The following HGS variants were observed in gnomAD, a reference collection of about 807,000 sequenced individuals.
HGS encodes human growth factor-regulated tyrosine kinase substrate.
HGS carries 63 observed loss-of-function variants against 109.7 expected under a neutral mutation model. That is an observed-to-expected ratio of 0.57 (90% CI 0.47 to 0.71). The LOEUF is 0.71. Ranked by LOEUF, HGS falls within the 30% of genes least tolerant of loss-of-function variation. The pLI, the probability that HGS is intolerant of heterozygous loss-of-function variation, is 0.00. For synonymous variants in HGS, 546 were observed against 437.3 expected, an observed-to-expected ratio of 1.25 and a Z score of -3.10; for missense variants, 995 against 1,068.3, an observed-to-expected ratio of 0.93 and a Z score of 0.96.
At chr17:81,701,425 C>CTGTG in intron 21 of HGS, 83 bp from the exon 22 acceptor site, 1 of 1,396,388 alleles carries the variant, frequency 7.2e-7, no homozygotes, top group Non-Finnish European at 9.7e-7. Context: ...ACTTGTGGGT[C>CTGTG]TGTGGCTCTG....
rs1044829615 is a variant in HGS at position 81,691,697 on chromosome 17, A to G, written c.662+126A>G. 6.9e-6 allele frequency: 9 copies of G among 1,301,724 alleles called. No individual in the cohort carries two copies. The East Asian group carries it at 1.2e-4, about 17-fold the overall frequency. 80.6% of individuals were successfully genotyped at this position (1,301,724 alleles called of 1,614,324 possible). On this transcript the variant is annotated intron_variant, in intron 8 of 21. Transcript: ENST00000329138. This position sits in a 1 kb window ranked among gnomAD's most constrained non-coding sequence, Gnocchi z 5.3. ...AGGACCCTCACAGCACAGCAGCTGGAAGGTCAAGGGAAACCCAGGGTGGCC... is the reference window on the plus strand; with the variant it reads ...AGGACCCTCACAGCACAGCAGCTGGGAGGTCAAGGGAAACCCAGGGTGGCC...
chr17:81,686,893 C>T (rs576604000), intron 3 of HGS, 110 bp from the exon 4 acceptor site: 38 of 827,434 alleles, frequency 4.6e-5, no homozygotes, highest in South Asian at 4.1e-4. Flanking sequence ...CGGCCACTGA[C>T]GGGCCTGTCG....
chr17:81,690,065 C>T, intron 5 of HGS, 117 bp from the exon 6 acceptor site: 1 of 1,110,596 alleles, frequency 9.0e-7, no homozygotes, highest in Non-Finnish European at 1.3e-6. Flanking sequence ...CCCCCAGACA[C>T]CTTCACTTGG....
rs2037220181 is a variant in HGS, at chr17:81,700,557, C to CCGCTTACTCATCCTACCAGCCT, written c.1974_1995dup (p.Thr666ArgfsTer182). Reference sequence around the variant, plus strand: ...GCCCAGGCCGGACCCACCGCCAGCCCCGCTTACTCATCCTACCAGCCTACT... The same window carrying CCGCTTACTCATCCTACCAGCCT: ...GCCCAGGCCGGACCCACCGCCAGCCCCGCTTACTCATCCTACCAGCCTCGCTTACTCATCCTACCAGCCTACT... On this transcript the variant is annotated frameshift_variant, in exon 19 of 22. Coordinates refer to ENST00000329138, the MANE Select transcript of HGS (RefSeq NM_004712.5). LOFTEE classifies it high-confidence loss of function. 1 of 1,610,804 alleles carries CCGCTTACTCATCCTACCAGCCT rather than the reference C, an allele frequency of 6.2e-7. No individual in the cohort carries two copies. Among genetic ancestry groups the CCGCTTACTCATCCTACCAGCCT allele is most frequent in the Non-Finnish European group, 8.5e-7 (1 of 1,178,550 alleles).
chr17:81,690,627 G>T, intron 6 of HGS, 47 bp from the exon 7 acceptor site: 1 of 1,573,966 alleles, frequency 6.4e-7, no homozygotes, highest in Non-Finnish European at 8.7e-7. Flanking sequence ...TGCCTCTGGG[G>T]CTGGTGGGGC....
rs760394413 is a variant in HGS at position 81,700,697 on chromosome 17, C to T, written c.2019C>T (p.Asn673=). 7 of 1,594,114 alleles carry T rather than the reference C, an allele frequency of 4.4e-6. No homozygotes were observed. The highest frequency in any genetic ancestry group is 2.7e-5 in the African/African-American group (2 of 74,184). The change falls in exon 20 of 22, where the codon AAC becomes AAT. Residue 673 remains asparagine (N), a splice_region_variant and synonymous_variant. Coordinates refer to ENST00000329138, the MANE Select transcript of HGS (RefSeq NM_004712.5). ...CATGGCACTCATTCCCTCCGCAGAACGTGGCCTCCCAGGCCCCACAGAGCC... is the reference window on the plus strand; with the variant it reads ...CATGGCACTCATTCCCTCCGCAGAATGTGGCCTCCCAGGCCCCACAGAGCC... ...YQPTPTAGYQ[N]VASQAPQSLP... is the part of the protein sequence containing the mutation.
chr17:81,687,897 T>C (rs1011174432), intron 4 of HGS, among the ~76,000 whole-genome samples: 3 of 152,168 alleles, frequency 2.0e-5, no homozygotes, highest in African/African-American at 7.2e-5. Flanking sequence ...CCACTTTGGC[T>C]GGCTTCCTGT....
Position 81,701,063 on chromosome 17 carries a change from C to A in HGS, c.2155C>A (p.Pro719Thr). 1 of 1,614,088 alleles carries A rather than the reference C, an allele frequency of 6.2e-7. No homozygotes were observed. The highest frequency in any genetic ancestry group is 8.5e-7 in the Non-Finnish European group (1 of 1,180,008). Residue 719 changes from proline (P) to threonine (T), a missense_variant, in exon 21 of 22, where the codon CCA (proline) becomes ACA (threonine). Pro to Thr is a conservative substitution (Grantham distance 38). Around this residue, in one of 6 missense-constraint regions of HGS, gnomAD observed 326 missense variants for 309.7 expected, o/e 1.05. Coordinates refer to ENST00000329138, the MANE Select transcript of HGS (RefSeq NM_004712.5). ...YNMQNLMTTL[P>T]SQDASLPPQQ... ...ACAACAGAATCTCATGACCACCCTC[C>A]CAAGCCAGGATGCGTCTCTGCCACC... is the stretch of plus-strand genomic sequence containing the variant.
chr17:81,684,331 C>T (rs1463908963), intron 1 of HGS: 1 of 370,360 alleles, frequency 2.7e-6, no homozygotes, highest in Non-Finnish European at 4.8e-6. Context: ...AGGGTCCGCG[C>T]AGGGCGCCAG....
intron 18 of HGS, chr17:81,697,317 G>T (rs2037167025): frequency 1.7e-5 from 3 of 180,644 alleles, no homozygotes; most frequent in African/African-American, 2.6e-5. Flanking sequence ...GTGGTGTCCT[G>T]TAAACAGCAC....
intron 4 of HGS, 63 bp from the exon 5 acceptor site, chr17:81,688,641 C>G (rs1329332209): frequency 1.3e-6 from 2 of 1,595,228 alleles, no homozygotes; most frequent in African/African-American, 2.7e-5. Context: ...GCTGCTTCCT[C>G]ACACCGAGGC....
At position 81,701,489 on chromosome 17, in the gene HGS, C is replaced by G. The variant is rs1277855228; in HGVS notation, c.2224-19C>G. On this transcript the variant is annotated intron_variant, in intron 21 of 21. Coordinates refer to ENST00000329138, the MANE Select transcript of HGS (RefSeq NM_004712.5). ...GGGGAAGGGAGGACCAGGGCCATGCCTGCTTTCCTCCTGCACAGATGGCAC... is the reference window on the plus strand; with the variant it reads ...GGGGAAGGGAGGACCAGGGCCATGCGTGCTTTCCTCCTGCACAGATGGCAC... 6.5e-7 allele frequency: 1 copy of G among 1,539,386 alleles called. No homozygotes were observed. Among genetic ancestry groups the G allele is most frequent in the African/African-American group, 1.4e-5 (1 of 73,174 alleles).
In HGS at chr17:81,696,940, C is replaced by A. The variant is rs2037160649; in HGVS notation, c.1824C>A (p.Tyr608Ter). The stretch of plus-strand genomic sequence containing the variant: ...AGGGCTCCCCAATGCACGGCGTGTA[C>A]ATGAGCCAGCCGGCCCCTGCCGCTG... ...SVEGSPMHGV[Y>*]MSQPAPAAGP... is the part of the protein sequence containing the mutation. Residue 608 changes from tyrosine (Y) to a stop codon, truncating the protein, a stop_gained, in exon 18 of 22, where the codon TAC becomes TAA. Coordinates refer to ENST00000329138, the MANE Select transcript of HGS (RefSeq NM_004712.5). LOFTEE classifies it high-confidence loss of function. The A allele has an allele frequency of 6.2e-7, 1 of 1,605,600 alleles. No individual in the cohort carries two copies. Among genetic ancestry groups the A allele is most frequent in the South Asian group, 1.1e-5 (1 of 91,022 alleles).
rs2037045467 is a variant in HGS, at chr17:81,690,402, G to A, written c.468+168G>A. On this transcript the variant is annotated intron_variant, in intron 6 of 21. Coordinates refer to ENST00000329138, the MANE Select transcript of HGS (RefSeq NM_004712.5). Reference sequence around the variant, plus strand: ...GGAGGCGTAGCAGCTGTCTCTGCAGGGCGAGGTGGAGACGTGGCTTGAGGG... The same window carrying A: ...GGAGGCGTAGCAGCTGTCTCTGCAGAGCGAGGTGGAGACGTGGCTTGAGGG... The A allele has an allele frequency of 6.7e-6, 5 of 748,210 alleles. No individual in the cohort carries two copies. The South Asian group carries it at 7.0e-5, about 10-fold the overall frequency. The allele number at this position is 748,210 out of a possible 1,614,324, so 46.3% of individuals were successfully genotyped here.
Position 81,695,873 on chromosome 17 carries a change from A to G in HGS, c.1267A>G (p.Met423Val), listed in dbSNP as rs2037138888. ...CGCCGTCACCACCTTCGTGAACCGCATGAAGAGTAACCACATGCGGGGCCG... is the reference window on the plus strand; with the variant it reads ...CGCCGTCACCACCTTCGTGAACCGCGTGAAGAGTAACCACATGCGGGGCCG... ...QNAVTTFVNR[M>V]KSNHMRGRSI... The change falls in exon 15 of 22, where the codon ATG becomes GTG. Residue 423 changes from methionine (M) to valine (V), a missense_variant. Met to Val is a conservative substitution (Grantham distance 21). This residue lies in a region of HGS where 163 missense variants were observed against 217.8 expected (regional missense o/e 0.75). Coordinates refer to ENST00000329138, the MANE Select transcript of HGS (RefSeq NM_004712.5). 5.6e-6 allele frequency: 9 copies of G among 1,613,386 alleles called. No individual in the cohort carries two copies. Among genetic ancestry groups the G allele is most frequent in the African/African-American group, 2.7e-5 (2 of 74,944 alleles).
intron 21 of HGS, 167 bp from the exon 22 acceptor site, chr17:81,701,341 G>C: frequency 1.2e-6 from 1 of 865,474 alleles, no homozygotes; most frequent in Non-Finnish European, 1.8e-6. Flanking sequence ...AGGAAAAACC[G>C]TGAATTTACT....
chr17:81,687,414 G>A lies in HGS; in HGVS notation c.291+319G>A, dbSNP rs78973767. Among the ~76,000 whole-genome samples the A allele has an allele frequency of 2.9e-3, 440 of 152,302 alleles. 2 individuals are homozygous for A. The highest frequency in any genetic ancestry group is 0.01 in the African/African-American group (421 of 41,546). On this transcript the variant is annotated intron_variant, in intron 4 of 21. Transcript: ENST00000329138. Reference sequence around the variant, plus strand: ...GCACCTGCTGTCTTAGGGAAGGTGAGTAGATGCCACTGGGTGGGCAGGGCA... The same window carrying A: ...GCACCTGCTGTCTTAGGGAAGGTGAATAGATGCCACTGGGTGGGCAGGGCA...
chr17:81,688,966 A>G lies in HGS; in HGVS notation c.415+139A>G, dbSNP rs2037024364. The G allele has an allele frequency of 2.5e-6, 3 of 1,195,978 alleles. No homozygotes were observed. In the South Asian group the frequency reaches 4.3e-5, roughly 17 times the overall value. The allele number at this position is 1,195,978 out of a possible 1,614,324, so 74.1% of individuals were successfully genotyped here. Reference sequence around the variant, plus strand: ...GGGAGGAGGGCGGTGGCCTGGAGCCAGGGAAGACCGTGCATGTGAGGGCGG... The same window carrying G: ...GGGAGGAGGGCGGTGGCCTGGAGCCGGGGAAGACCGTGCATGTGAGGGCGG... On this transcript the variant is annotated intron_variant, in intron 5 of 21. Coordinates refer to ENST00000329138, the MANE Select transcript of HGS (RefSeq NM_004712.5).
At chr17:81,684,496 A>C in intron 1 of HGS, 1 of 194,292 alleles carries the variant, frequency 5.1e-6, no homozygotes, top group Non-Finnish European at 1.0e-5. Context: ...CTGACCCAAA[A>C]CACTGGGCCT....
Sources: allele counts gnomAD v4.1 joint callset (sites outside exome capture counted in the v4.1 genomes callset), GRCh38; gene constraint gnomAD v4.1.1; regional missense constraint gnomAD v4.1.1; non-coding constraint Gnocchi (gnomAD v3.1); transcripts MANE v1.5; gene names NCBI Gene and HGNC (gene_info 2026-07-23, HGNC 2026-07-21).